MID1: variants seen among roughly 807,000 people sequenced by gnomAD.
The protein encoded by MID1 is midline 1.
MID1 carries 7 observed loss-of-function variants against 40.4 expected under a neutral mutation model. That is an observed-to-expected ratio of 0.17 (90% CI 0.10 to 0.33). The LOEUF (loss-of-function observed/expected upper bound fraction) is 0.33, where lower values mean the gene tolerates loss of function less well. Ranked by LOEUF, MID1 falls within the 10% of genes least tolerant of loss-of-function variation. The pLI is 1.00. For synonymous variants in MID1, 229 were observed against 221.2 expected, an observed-to-expected ratio of 1.04 and a Z score of -0.31; for missense variants, 367 against 558.5, an observed-to-expected ratio of 0.66 and a Z score of 3.46.
intron 5 of MID1, among the ~76,000 whole-genome samples, chrX:10,479,837 G>T (rs928764987): frequency 8.9e-6 from 1 of 111,833 alleles, no homozygotes; most frequent in East Asian, 2.8e-4. Flanking sequence ...TACTGATTTC[G>T]TTTCTTTTGG....
chrX:10,511,473 T>C (rs1376838585), intron 3 of MID1, among the ~76,000 whole-genome samples: 1 of 111,591 alleles, frequency 9.0e-6, no homozygotes, highest in East Asian at 2.8e-4. Flanking sequence ...CTCCAACTTC[T>C]TCTGGGTTCT....
chrX:10,652,765 C>T (rs779725737), intron 1 of MID1, among the ~76,000 whole-genome samples: 2 of 111,576 alleles, frequency 1.8e-5, no homozygotes, highest in South Asian at 7.6e-4. Flanking sequence ...CCATCTCAGG[C>T]CTTTGCACTT....
intron 1 of MID1, among the ~76,000 whole-genome samples, chrX:10,638,882 C>G (rs1430921570): frequency 8.9e-6 from 1 of 112,147 alleles, no homozygotes; most frequent in East Asian, 2.8e-4. Flanking sequence ...GCTGGTGATA[C>G]CCAGGCAAAC....
intron 1 of MID1, among the ~76,000 whole-genome samples, chrX:10,806,628 T>G (rs1297976690): frequency 8.9e-6 from 1 of 112,695 alleles, no homozygotes; most frequent in Non-Finnish European, 1.9e-5. Context: ...TACACTCTTC[T>G]CAACTAGAAA....
intron 1 of MID1, among the ~76,000 whole-genome samples, chrX:10,688,032 T>G (rs1411448357): frequency 9.0e-6 from 1 of 111,395 alleles, no homozygotes; most frequent in Non-Finnish European, 1.9e-5. Context: ...GCCAATATAT[T>G]TTTTTCTTTT....
At chrX:10,654,073 A>G (rs777442917) in intron 1 of MID1, among the ~76,000 whole-genome samples, 1 of 112,210 alleles carries the variant, frequency 8.9e-6, no homozygotes, top group African/African-American at 3.2e-5. Flanking sequence ...GATTTTTCAC[A>G]GCAGAGATAG....
At chrX:10,468,902 T>A (rs1314450856) in intron 7 of MID1, among the ~76,000 whole-genome samples, 3 of 111,967 alleles carry the variant, frequency 2.7e-5, no homozygotes, top group Non-Finnish European at 3.8e-5. Context: ...TCCTTTCTTT[T>A]AAAATATGTG....
chrX:10,726,011 A>G (rs905305482), intron 1 of MID1, among the ~76,000 whole-genome samples: 1 of 112,501 alleles, frequency 8.9e-6, no homozygotes, highest in East Asian at 2.8e-4. Context: ...AGCCTCCTCA[A>G]TTCTAATGGA....
chrX:10,785,504 A>G (rs1182643661), intron 1 of MID1, among the ~76,000 whole-genome samples: 9 of 111,519 alleles, frequency 8.1e-5, no homozygotes, highest in African/African-American at 1.6e-4. Flanking sequence ...AGCCCGCATC[A>G]CCAAGTCAAT....
intron 1 of MID1, among the ~76,000 whole-genome samples, chrX:10,745,836 C>T (rs1271432686): frequency 8.9e-6 from 1 of 112,078 alleles, no homozygotes; most frequent in Non-Finnish European, 1.9e-5. Context: ...TGACTGGGGT[C>T]ATTTCTACAC....
In MID1 at chrX:10,820,879, T is replaced by C. The variant is rs758405137; in HGVS notation, c.-187+12675A>G. On this transcript the variant is annotated intron_variant, in intron 1 of 10. Transcript: ENST00000380785. Reference sequence around the variant, plus strand: ...TCAAACTCATTTTCTGAAACAGGCCTGAAATGTGTGATTGACTATAACATG... The same window carrying C: ...TCAAACTCATTTTCTGAAACAGGCCCGAAATGTGTGATTGACTATAACATG... Among the ~76,000 whole-genome samples, 4 of 112,595 alleles carry C rather than the reference T, an allele frequency of 3.6e-5. No homozygotes were observed. In the South Asian group the frequency reaches 1.1e-3, roughly 31 times the overall value.
intron 1 of MID1, among the ~76,000 whole-genome samples, chrX:10,605,528 A>G (rs946523482): frequency 1.8e-5 from 2 of 112,081 alleles, no homozygotes; most frequent in East Asian, 5.6e-4. Context: ...TCCTCTTTGT[A>G]ATCCTATAAA....
intron 5 of MID1, 83 bp downstream of exon 5, chrX:10,482,397 C>T: frequency 9.8e-7 from 1 of 1,022,623 alleles, no homozygotes; most frequent in South Asian, 1.9e-5. Flanking sequence ...AAAATAAAAG[C>T]AAGGCGAGGG....
At chrX:10,577,822 T>C (rs1429106764) in intron 1 of MID1, among the ~76,000 whole-genome samples, 1 of 90,876 alleles carries the variant, frequency 1.1e-5, no homozygotes, top group African/African-American at 4.1e-5. Context: ...GTAGTCTTCC[T>C]AAAAGAAAAA....
chrX:10,800,162 T>A (rs1219283100), intron 1 of MID1, among the ~76,000 whole-genome samples: 1 of 111,573 alleles, frequency 9.0e-6, no homozygotes, highest in Non-Finnish European at 1.9e-5. Context: ...TCAAAAGACA[T>A]TGTGACATTC....
At chrX:10,815,306 T>C (rs2044128762) in intron 1 of MID1, among the ~76,000 whole-genome samples, 1 of 111,945 alleles carries the variant, frequency 8.9e-6, no homozygotes, top group Admixed American at 9.5e-5. Flanking sequence ...CACAGAATGG[T>C]CAGTGCAAGC....
intron 3 of MID1, among the ~76,000 whole-genome samples, chrX:10,508,403 T>C (rs1440175348): frequency 3.5e-5 from 4 of 112,707 alleles, no homozygotes; most frequent in Admixed American, 9.4e-5. Context: ...CGGGGTCAAA[T>C]AAAATGTATT....
chrX:10,668,013 G>A (rs2042961276), intron 1 of MID1, among the ~76,000 whole-genome samples: 1 of 112,126 alleles, frequency 8.9e-6, no homozygotes, highest in African/African-American at 3.2e-5. Flanking sequence ...GGCATGTATT[G>A]CATGGTTTTA....
intron 1 of MID1, among the ~76,000 whole-genome samples, chrX:10,590,880 T>C (rs901392543): frequency 8.9e-6 from 1 of 112,301 alleles, no homozygotes; most frequent in Admixed American, 9.4e-5. Flanking sequence ...AGTTTTTTGT[T>C]GTTATTTTGC....
Sources: gnomAD v4.1 joint callset for allele counts (sites outside exome capture counted in the v4.1 genomes callset) on GRCh38, gnomAD v4.1.1 for gene constraint, MANE v1.5 for transcripts, NCBI Gene and HGNC (gene_info 2026-07-23, HGNC 2026-07-21) for gene names.